Variants in KCNMA1 observed in about 807,000 individuals in gnomAD.
KCNMA1 encodes the protein Calcium-activated potassium channel subunit alpha-1.
In KCNMA1, 29 loss-of-function variants were observed where a neutral mutation model predicts 140.0. That is an observed-to-expected ratio of 0.21 (90% CI 0.15 to 0.28). The LOEUF (loss-of-function observed/expected upper bound fraction) is 0.28, where lower values mean the gene tolerates loss of function less well. KCNMA1 is among the 10% of genes least tolerant of loss of function. The probability of loss-of-function intolerance (pLI) is 1.00; values close to 1 mark genes in which losing one functional copy is unlikely to be tolerated. For missense variants in KCNMA1, 880 were observed against 1,602.2 expected, an observed-to-expected ratio of 0.55 and a Z score of 7.70; for synonymous variants, 612 against 611.9, an observed-to-expected ratio of 1.00 and a Z score of 0.00.
chr10:77,067,783 C>T (rs2096013742), intron 14 of KCNMA1, among the ~76,000 whole-genome samples: 1 of 152,180 alleles, frequency 6.6e-6, no homozygotes, highest in Non-Finnish European at 1.5e-5. Context: ...AAAGAAGATG[C>T]ACAGAATGGA....
chr10:77,391,755 T>C (rs2095835538), intron 2 of KCNMA1, among the ~76,000 whole-genome samples: 1 of 151,968 alleles, frequency 6.6e-6, no homozygotes. Context: ...TGCCTCCTCC[T>C]AAACATAGCC....
intron 23 of KCNMA1, among the ~76,000 whole-genome samples, chr10:76,917,271 G>A (rs190820870): frequency 1.5e-3 from 221 of 152,232 alleles, no homozygotes; most frequent in Non-Finnish European, 2.6e-3. Context: ...CATAATACAT[G>A]GCCTGTATTT....
chr10:77,461,228 C>CTTT (rs5786288), intron 1 of KCNMA1, among the ~76,000 whole-genome samples: 3 of 146,924 alleles, frequency 2.0e-5, no homozygotes, highest in African/African-American at 2.5e-5. Context: ...TGTACTCCCT[C>CTTT]TTTTTTTTTT....
intron 1 of KCNMA1, among the ~76,000 whole-genome samples, chr10:77,524,891 C>T (rs1009909360): frequency 1.3e-5 from 2 of 152,180 alleles, no homozygotes; most frequent in African/African-American, 2.4e-5. Flanking sequence ...CCTCTAAACA[C>T]TGGGGTCGAG....
intron 1 of KCNMA1, chr10:77,635,811 C>A (rs2093672055): frequency 2.0e-5 from 3 of 152,538 alleles, no homozygotes; most frequent in Admixed American, 2.0e-4. Flanking sequence ...CATATTTCTC[C>A]CTTTGTTCCA....
Position 77,413,891 on chromosome 10 carries a change from C to T in KCNMA1, c.379-9868G>A, listed in dbSNP as rs565795632. Among the ~76,000 whole-genome samples, 8 of 152,296 alleles carry T rather than the reference C, an allele frequency of 5.3e-5. No homozygotes were observed. In the South Asian group the frequency reaches 1.0e-3, roughly 20 times the overall value. ...ACTTATAAAGAAGCTGGGACCTAAC[C>T]GATTACCCCGAGCTGTCAGAAAGCC... On this transcript the variant is annotated intron_variant, in intron 1 of 27. Coordinates refer to ENST00000286628, the MANE Select transcript of KCNMA1 (RefSeq NM_001161352.2).
intron 1 of KCNMA1, 73 bp from the exon 2 acceptor site, chr10:77,404,096 A>C: frequency 1.3e-6 from 2 of 1,525,672 alleles, no homozygotes; most frequent in Non-Finnish European, 1.8e-6. Flanking sequence ...CCCATAAAGA[A>C]CCAGAGCCAG....
intron 15 of KCNMA1, among the ~76,000 whole-genome samples, chr10:77,032,438 A>C (rs2093999533): frequency 6.6e-6 from 1 of 152,206 alleles, no homozygotes; most frequent in Non-Finnish European, 1.5e-5. Flanking sequence ...AAGCCTTCAC[A>C]ATGTGATAAA....
chr10:77,470,731 C>T (rs1192011139), intron 1 of KCNMA1, among the ~76,000 whole-genome samples: 1 of 152,178 alleles, frequency 6.6e-6, no homozygotes, highest in African/African-American at 2.4e-5. Context: ...TGGGGTCTAA[C>T]TTGGGAAACT....
intron 3 of KCNMA1, among the ~76,000 whole-genome samples, chr10:77,229,586 G>A (rs2052838458): frequency 6.6e-6 from 1 of 152,144 alleles, no homozygotes; most frequent in South Asian, 2.1e-4. Context: ...ATTATCACCT[G>A]CCCAAGGCTA....
At chr10:77,094,778 G>A (rs75422354) in intron 9 of KCNMA1, among the ~76,000 whole-genome samples, 2,516 of 152,140 alleles carry the variant, frequency 0.017, 109 homozygotes, top group East Asian at 0.14. Flanking sequence ...AGAGGTAATT[G>A]CAGCCTTGAA....
Position 77,637,250 on chromosome 10 carries a change from C to G in KCNMA1, c.378+15G>C. The G allele has an allele frequency of 6.3e-7, 1 of 1,592,148 alleles. No homozygotes were observed. The highest frequency in any genetic ancestry group is 8.6e-7 in the Non-Finnish European group (1 of 1,166,980). ...GGGGCTGGCGCAGAGGGCGGGCGCC[C>G]GGGGCGCGCGTTACCTTCGTCTTGC... On this transcript the variant is annotated intron_variant, in intron 1 of 27. Coordinates refer to ENST00000286628, the MANE Select transcript of KCNMA1 (RefSeq NM_001161352.2).
chr10:77,260,364 T>G (rs2154265006), intron 2 of KCNMA1, among the ~76,000 whole-genome samples: 1 of 151,744 alleles, frequency 6.6e-6, no homozygotes, highest in Middle Eastern at 3.4e-3. Context: ...AGAAAACAGG[T>G]TTCTACAAGA....
intron 2 of KCNMA1, among the ~76,000 whole-genome samples, chr10:77,382,426 T>G (rs1210549835): frequency 6.6e-6 from 1 of 152,120 alleles, no homozygotes; most frequent in Non-Finnish European, 1.5e-5. Flanking sequence ...TGACAGTTTG[T>G]AATTGGAGGA....
At chr10:77,254,151 A>G (rs1479529443) in intron 2 of KCNMA1, among the ~76,000 whole-genome samples, 1 of 151,896 alleles carries the variant, frequency 6.6e-6, no homozygotes, top group Non-Finnish European at 1.5e-5. Context: ...TCACCTAAGT[A>G]TTTAACATAT....
At chr10:77,523,047 T>A (rs2054044428) in intron 1 of KCNMA1, among the ~76,000 whole-genome samples, 2 of 152,068 alleles carry the variant, frequency 1.3e-5, no homozygotes, top group South Asian at 4.1e-4. Context: ...ATGCCACAGG[T>A]GGGAGTGGTC....
chr10:77,450,545 T>C (rs2097625304), intron 1 of KCNMA1, among the ~76,000 whole-genome samples: 1 of 152,186 alleles, frequency 6.6e-6, no homozygotes. Context: ...CTTTATAATT[T>C]TTCTGTATTT....
chr10:77,589,334 G>C (rs1335650648), intron 1 of KCNMA1, among the ~76,000 whole-genome samples: 1 of 152,160 alleles, frequency 6.6e-6, no homozygotes, highest in African/African-American at 2.4e-5. Flanking sequence ...GGCTGAATCA[G>C]AAGCACATGG....
intron 23 of KCNMA1, among the ~76,000 whole-genome samples, chr10:76,919,798 G>T (rs939875871): frequency 2.6e-5 from 4 of 151,614 alleles, no homozygotes; most frequent in Admixed American, 2.6e-4. Context: ...ACAATATCTG[G>T]TATGAGGCAA....
Sources: allele counts gnomAD v4.1 joint callset (sites outside exome capture counted in the v4.1 genomes callset), GRCh38; gene constraint gnomAD v4.1.1; transcripts MANE v1.5; gene names NCBI Gene and HGNC (gene_info 2026-07-23, HGNC 2026-07-21).